The following NLRP2 variants were observed in gnomAD, a reference collection of about 807,000 sequenced individuals.
NLRP2 encodes NLR family pyrin domain containing 2.
NLRP2 carries 107 observed loss-of-function variants against 97.2 expected under a neutral mutation model. That is an observed-to-expected ratio of 1.10 (90% confidence interval 0.94 to 1.29). NLRP2 has a LOEUF of 1.29. Ranked by LOEUF, NLRP2 falls within the 50% of genes most tolerant of loss-of-function variation. The pLI is 0.00. For missense variants in NLRP2, 1,495 were observed against 1,330.3 expected (o/e 1.12, Z -1.93); for synonymous variants, 663 against 551.5 (o/e 1.20, Z -2.83).
rs1157138794 is a variant in NLRP2, at chr19:55,000,270, C to CTTTTTTTTT, written c.3051-459_3051-451dup. Among the ~76,000 whole-genome samples, 53 of 36,026 alleles carry CTTTTTTTTT rather than the reference C, an allele frequency of 1.5e-3. 18 individuals carry two copies. The highest frequency in any genetic ancestry group is 1.9e-3 in the African/African-American group (17 of 9,048). 23.6% of individuals were successfully genotyped at this position (36,026 alleles called of 152,430 possible). On this transcript the variant is annotated intron_variant, in intron 12 of 12. Coordinates refer to ENST00000448584, the MANE Select transcript of NLRP2 (RefSeq NM_017852.5). The stretch of plus-strand genomic sequence containing the variant: ...CCAGCTTGGGCAACAGAGAGACTGT[C>CTTTTTTTTT]TTTTTTTTTTTTTTTTTTTTTTTTT...
chr19:54,975,717 G>C (rs953518654), intron 3 of NLRP2, among the ~76,000 whole-genome samples: 1 of 152,078 alleles, frequency 6.6e-6, no homozygotes, highest in Non-Finnish European at 1.5e-5. Context: ...CTCCCAAAGT[G>C]CTGGGATTAC....
At chr19:54,978,144 C>T (rs1251078592) in intron 4 of NLRP2, among the ~76,000 whole-genome samples, 1 of 152,044 alleles carries the variant, frequency 6.6e-6, no homozygotes, top group East Asian at 1.9e-4. Flanking sequence ...CTGTAACCTC[C>T]ACCTCCCAGG....
rs112316937 is a variant in NLRP2, at chr19:54,998,361, C to T, written c.3050+874C>T. Among the ~76,000 whole-genome samples, 1,316 of 152,036 alleles carry T rather than the reference C, an allele frequency of 8.7e-3. 13 individuals carry two copies. Among genetic ancestry groups the T allele is most frequent in the African/African-American group, 0.03 (1,265 of 41,480 alleles). On this transcript the variant is annotated intron_variant, in intron 12 of 12. Coordinates refer to ENST00000448584, the MANE Select transcript of NLRP2 (RefSeq NM_017852.5). ...CATGGCATCAAAGAACCAAGAAGCC[C>T]CTTCCTAGGAATGTGGGAACTTCAG...
intron 9 of NLRP2, 99 bp downstream of exon 9, chr19:54,990,291 ATG>A (rs755272004): frequency 2.3e-5 from 30 of 1,289,932 alleles, no homozygotes; most frequent in Non-Finnish European, 3.4e-5. Flanking sequence ...CCTCTCGCTG[ATG>A]TGAACACCTG....
rs2073167879 is a variant in NLRP2 at position 55,001,106 on chromosome 19, A to G, written c.*208A>G. 1 of 543,458 alleles carries G rather than the reference A, an allele frequency of 1.8e-6. No homozygotes were observed. The highest frequency in any genetic ancestry group is 3.3e-6 in the Non-Finnish European group (1 of 303,048). 33.7% of individuals were successfully genotyped at this position (543,458 alleles called of 1,614,324 possible). On this transcript the variant is annotated 3_prime_UTR_variant, in exon 13 of 13. Transcript: ENST00000448584. ...TATGAAATATCTGTATCACGGGTATATTGAGAGAAATAAAGGTGAGAGCAT... is the reference window on the plus strand; with the variant it reads ...TATGAAATATCTGTATCACGGGTATGTTGAGAGAAATAAAGGTGAGAGCAT...
At chr19:54,994,100 C>T in intron 10 of NLRP2, 169 bp from the exon 11 acceptor site, 1 of 738,834 alleles carries the variant, frequency 1.4e-6, no homozygotes, top group Non-Finnish European at 2.4e-6. Context: ...GGGACTTGGA[C>T]ATCTTTAGGG....
chr19:54,998,611 C>CTTTTTTTTTTTTTTTTTTT (rs375510249), intron 12 of NLRP2, among the ~76,000 whole-genome samples: 2 of 42,198 alleles, frequency 4.7e-5, no homozygotes, highest in Non-Finnish European at 9.3e-5. Context: ...CATCTTTTTT[C>CTTTTTTTTTTTTTTTTTTT]TTTTTTTTTT....
At chr19:54,977,883 A>C in intron 4 of NLRP2, 60 bp downstream of exon 4, 2 of 1,460,300 alleles carry the variant, frequency 1.4e-6, no homozygotes, top group Non-Finnish European at 1.9e-6. Flanking sequence ...TCTTGCTGCT[A>C]TCTCCTGTTC....
chr19:54,968,326 G>T (rs1017072978), intron 1 of NLRP2, among the ~76,000 whole-genome samples: 1 of 151,568 alleles, frequency 6.6e-6, no homozygotes, highest in Non-Finnish European at 1.5e-5. Context: ...GATTGCAAGC[G>T]TCAGCCACCA....
At chr19:54,998,990 T>C (rs910899614) in intron 12 of NLRP2, among the ~76,000 whole-genome samples, 2 of 145,656 alleles carry the variant, frequency 1.4e-5, no homozygotes, top group Non-Finnish European at 3.1e-5. Context: ...AGAAGAATTT[T>C]TCTTAGTACA....
intron 7 of NLRP2, among the ~76,000 whole-genome samples, chr19:54,985,470 G>C (rs1016415338): frequency 1.3e-5 from 2 of 152,106 alleles, no homozygotes; most frequent in Non-Finnish European, 2.9e-5. Context: ...TTGAGGTCAG[G>C]AGTTCGAGAC....
In NLRP2 at chr19:54,970,189, C is replaced by T. The variant is rs900214762; in HGVS notation, c.174C>T (p.Ile58=). 2 of 1,614,136 alleles carry T rather than the reference C, an allele frequency of 1.2e-6. No individual in the cohort carries two copies. The highest frequency in any genetic ancestry group is 8.5e-7 in the Non-Finnish European group (1 of 1,180,034). Residue 58 remains isoleucine (I), a synonymous_variant, in exon 2 of 13, where the codon ATC becomes ATT. Transcript: ENST00000448584. ...CTGATGGGAAGCAACTGGTAGAAAT[C>T]CTCACCACCCATTGTGACAGCTACT... is the stretch of plus-strand genomic sequence containing the variant. ...DKADGKQLVE[I]LTTHCDSYWV...
chr19:54,985,415 C>T (rs1167421270), intron 7 of NLRP2, among the ~76,000 whole-genome samples, 198 bp downstream of exon 7: 2 of 152,158 alleles, frequency 1.3e-5, no homozygotes, highest in African/African-American at 2.4e-5. Flanking sequence ...TGGTGGTTCA[C>T]ACTTGTAATT....
intron 6 of NLRP2, 46 bp from the exon 7 acceptor site, chr19:54,985,001 G>A (rs199737456): frequency 2.1e-5 from 34 of 1,593,668 alleles, no homozygotes; most frequent in East Asian, 1.8e-4. Context: ...TACTTCAGCC[G>A]TGATGGACAC....
chr19:54,996,676 G>A (rs531941619), intron 11 of NLRP2, among the ~76,000 whole-genome samples: 199 of 151,962 alleles, frequency 1.3e-3, no homozygotes, highest in Middle Eastern at 3.4e-3. Flanking sequence ...ACTCATGCCC[G>A]CTGCCTGGAT....
rs376767871 is a variant in NLRP2 at position 55,000,746 on chromosome 19, C to T, written c.3051-14C>T. On this transcript the variant is annotated splice_polypyrimidine_tract_variant and intron_variant, in intron 12 of 12. Transcript: ENST00000448584. ...ATGCACAAAGTAACCTTTTCTTCCC[C>T]CATTGTACCCCAGGTTGAAAATCGA... 6 of 1,613,156 alleles carry T rather than the reference C, an allele frequency of 3.7e-6. No homozygotes were observed. The highest frequency in any genetic ancestry group is 1.7e-5 in the Admixed American group (1 of 59,972).
At position 54,984,329 on chromosome 19, in the gene NLRP2, G is replaced by GTGTGTTTTTTTTTTTTTTTTTTT; in HGVS notation, c.2030+602_2030+603insGTGTTTTTTTTTTTTTTTTTTTT. Among the ~76,000 whole-genome samples the GTGTGTTTTTTTTTTTTTTTTTTT allele has an allele frequency of 3.1e-3, 243 of 79,666 alleles. 24 individuals are homozygous for GTGTGTTTTTTTTTTTTTTTTTTT. Among genetic ancestry groups the GTGTGTTTTTTTTTTTTTTTTTTT allele is most frequent in the Middle Eastern group, 8.8e-3 (1 of 114 alleles). The allele number at this position is 79,666 out of a possible 152,430, so 52.3% of individuals were successfully genotyped here. A position where few individuals can be genotyped will look rare whatever the true frequency, so the allele number is the denominator to read the frequency against. ...AACTTAAGTGGGGGTTTTTTTTTGTGTTTTTTTTTTTTTTTTTTTTTTTGG... is the reference window on the plus strand; with the variant it reads ...AACTTAAGTGGGGGTTTTTTTTTGTGTGTGTTTTTTTTTTTTTTTTTTTTTTTTTTTTTTTTTTTTTTTTTTGG... On this transcript the variant is annotated intron_variant, in intron 6 of 12. Coordinates refer to ENST00000448584, the MANE Select transcript of NLRP2 (RefSeq NM_017852.5).
At chr19:54,978,494 C>G (rs28376680) in intron 4 of NLRP2, among the ~76,000 whole-genome samples, 13,521 of 152,052 alleles carry the variant, frequency 0.089, 863 homozygotes, top group East Asian at 0.25. Flanking sequence ...CCACCCACCC[C>G]CAAGTCTCCC....
At chr19:54,994,869 A>G (rs1230398052) in intron 11 of NLRP2, among the ~76,000 whole-genome samples, 7 of 151,104 alleles carry the variant, frequency 4.6e-5, no homozygotes, top group Non-Finnish European at 1.0e-4. Context: ...TCGGCCTCCC[A>G]AAGTGCTGGG....
Sources: gnomAD v4.1 joint callset for allele counts (sites outside exome capture counted in the v4.1 genomes callset) on GRCh38, gnomAD v4.1.1 for gene constraint, MANE v1.5 for transcripts, NCBI Gene and HGNC (gene_info 2026-07-23, HGNC 2026-07-21) for gene names.